The following MGAM2 variants were observed in gnomAD, a reference collection of about 807,000 sequenced individuals.
MGAM2 encodes maltase-glucoamylase 2 (putative).
MGAM2 carries 98 observed loss-of-function variants against 96.1 expected under a neutral mutation model. The observed-to-expected ratio is 1.02, with a 90% CI of 0.87 to 1.21. The LOEUF (loss-of-function observed/expected upper bound fraction) is 1.21. Ranked by LOEUF, MGAM2 falls within the 50% of genes most tolerant of loss-of-function variation. MGAM2 has a pLI of 0.00. For synonymous variants in MGAM2, 749 were observed against 414.8 expected, an observed-to-expected ratio of 1.81 and a Z score of -9.79; for missense variants, 2,055 against 1,182.4, an observed-to-expected ratio of 1.74 and a Z score of -10.82.
rs551718644 is a variant in MGAM2 at position 142,120,382 on chromosome 7, G to A, written c.186+1G>A. ...CACACCTGACCAGGAGGTGACCGAG[G>A]TCAGAGAAATAAGGTCCCTTTTGGT... is the stretch of plus-strand genomic sequence containing the variant. On this transcript the variant is annotated splice_donor_variant, in intron 3 of 47. Transcript: ENST00000477922. LOFTEE classifies it high-confidence loss of function. 9 of 702,716 alleles carry A rather than the reference G, an allele frequency of 1.3e-5. 1 individual carries two copies. Among genetic ancestry groups the A allele is most frequent in the Non-Finnish European group, 2.3e-5 (9 of 384,880 alleles). The allele number at this position is 702,716 out of a possible 1,614,324, so 43.5% of individuals were successfully genotyped here. A position where few individuals can be genotyped will look rare whatever the true frequency, so the allele number is the denominator to read the frequency against.
chr7:142,181,862 G>T (rs1362279174), intron 32 of MGAM2, among the ~76,000 whole-genome samples: 3 of 152,168 alleles, frequency 2.0e-5, no homozygotes, highest in African/African-American at 7.2e-5. Flanking sequence ...TGGCTTTGGG[G>T]CCCTCTCAGC....
intron 45 of MGAM2, among the ~76,000 whole-genome samples, chr7:142,204,389 G>A (rs1025228565): frequency 6.6e-6 from 1 of 151,778 alleles, no homozygotes; most frequent in African/African-American, 2.4e-5. Flanking sequence ...AAAATATGAA[G>A]GAATTAAACA....
intron 32 of MGAM2, among the ~76,000 whole-genome samples, chr7:142,177,758 T>A (rs896375581): frequency 6.6e-6 from 1 of 152,238 alleles, no homozygotes; most frequent in Admixed American, 6.5e-5. Context: ...ATTTTCTTTA[T>A]CCAATCCACC....
rs146653012 is a variant in MGAM2 at position 142,140,681 on chromosome 7, G to A, written c.1087-121G>A. On this transcript the variant is annotated intron_variant, in intron 10 of 47. Coordinates refer to ENST00000477922, the MANE Select transcript of MGAM2 (RefSeq NM_001293626.2). ...TCTCCTAAGAAGTAGCCAAGCCCTGGAAATTCCAGGATCATTAGAAAATAT... is the reference window on the plus strand; with the variant it reads ...TCTCCTAAGAAGTAGCCAAGCCCTGAAAATTCCAGGATCATTAGAAAATAT... The A allele has an allele frequency of 1.4e-4, 76 of 561,966 alleles. 1 individual carries two copies. The highest frequency in any genetic ancestry group is 1.2e-3 in the African/African-American group (65 of 52,632). The allele number at this position is 561,966 out of a possible 1,614,324, so 34.8% of individuals were successfully genotyped here. A position where few individuals can be genotyped will look rare whatever the true frequency, so the allele number is the denominator to read the frequency against.
intron 24 of MGAM2, among the ~76,000 whole-genome samples, chr7:142,165,269 G>A (rs781495433): frequency 6.6e-6 from 1 of 152,172 alleles, no homozygotes; most frequent in African/African-American, 2.4e-5. Context: ...TCTTCTCTGG[G>A]CGCAGTTAAA....
At chr7:142,136,304 G>A (rs762377067) in intron 7 of MGAM2, among the ~76,000 whole-genome samples, 28 of 151,980 alleles carry the variant, frequency 1.8e-4, no homozygotes, top group Non-Finnish European at 4.0e-4. Context: ...TATTTATATT[G>A]CAGTGTGTAT....
chr7:142,193,484 G>C (rs1411162850), intron 37 of MGAM2, among the ~76,000 whole-genome samples: 1 of 152,172 alleles, frequency 6.6e-6, no homozygotes, highest in East Asian at 1.9e-4. Flanking sequence ...ATTGATGGGA[G>C]AGCTCAGCGT....
intron 1 of MGAM2, among the ~76,000 whole-genome samples, chr7:142,115,630 G>T (rs1817363672): frequency 6.6e-6 from 1 of 152,122 alleles, no homozygotes; most frequent in Admixed American, 6.5e-5. Context: ...CAGATCAGCT[G>T]AGATCAGGAG....
At chr7:142,192,515 G>A (rs1796901239) in intron 37 of MGAM2, among the ~76,000 whole-genome samples, 1 of 152,200 alleles carries the variant, frequency 6.6e-6, no homozygotes, top group East Asian at 1.9e-4. Flanking sequence ...TAACTCTACT[G>A]GGATAATCCA....
At chr7:142,211,681 A>G (rs1274748541) in intron 46 of MGAM2, among the ~76,000 whole-genome samples, 1 of 152,238 alleles carries the variant, frequency 6.6e-6, no homozygotes, top group Admixed American at 6.5e-5. Flanking sequence ...TCCAAGAAAT[A>G]TGGGACTATG....
rs1291885370 is a variant in MGAM2, at chr7:142,160,264, C to A, written c.2345+6C>A. The stretch of plus-strand genomic sequence containing the variant: ...AACACAACCACAGAAGCCAGGTAAG[C>A]TCCTTACTCTTCTAAGGTATGACTA... On this transcript the variant is annotated splice_donor_region_variant and intron_variant, in intron 21 of 47. Transcript: ENST00000477922. 5 of 694,818 alleles carry A rather than the reference C, an allele frequency of 7.2e-6. No individual in the cohort carries two copies. In the East Asian group the frequency reaches 8.1e-5, roughly 11 times the overall value. The allele number at this position is 694,818 out of a possible 1,614,324, so 43.0% of individuals were successfully genotyped here.
Position 142,160,275 on chromosome 7 carries a change from T to A in MGAM2, c.2345+17T>A. The A allele has an allele frequency of 1.5e-6, 1 of 685,896 alleles. No homozygotes were observed. Among genetic ancestry groups the A allele is most frequent in the Non-Finnish European group, 2.6e-6 (1 of 377,890 alleles). The allele number at this position is 685,896 out of a possible 1,614,324, so 42.5% of individuals were successfully genotyped here. A position where few individuals can be genotyped will look rare whatever the true frequency, so the allele number is the denominator to read the frequency against. On this transcript the variant is annotated intron_variant, in intron 21 of 47. Transcript: ENST00000477922. The stretch of plus-strand genomic sequence containing the variant: ...AGAAGCCAGGTAAGCTCCTTACTCT[T>A]CTAAGGTATGACTATTCTGGTGCTC...
At chr7:142,219,256 T>G (rs953642102) in intron 47 of MGAM2, among the ~76,000 whole-genome samples, 11 of 152,204 alleles carry the variant, frequency 7.2e-5, no homozygotes, top group African/African-American at 2.7e-4. Flanking sequence ...TCTTGTTTTC[T>G]AAAACGTGAA....
intron 3 of MGAM2, among the ~76,000 whole-genome samples, chr7:142,125,223 A>C (rs1225235338): frequency 3.9e-5 from 6 of 152,182 alleles, no homozygotes; most frequent in Non-Finnish European, 8.8e-5. Context: ...TGGTTTTGGA[A>C]GAAGTTGGTT....
At chr7:142,208,306 G>A (rs1797471176) in intron 45 of MGAM2, 2 of 583,408 alleles carry the variant, frequency 3.4e-6, no homozygotes, top group South Asian at 3.0e-5. Flanking sequence ...CCACACTTCA[G>A]GTAATCTATC....
At chr7:142,201,806 TG>T (rs1307142884) in intron 45 of MGAM2, among the ~76,000 whole-genome samples, 1 of 152,204 alleles carries the variant, frequency 6.6e-6, no homozygotes, top group Non-Finnish European at 1.5e-5. Context: ...CACGGGAGGA[TG>T]TGTATAGGTT....
chr7:142,132,074 CA>C lies in MGAM2; in HGVS notation c.565del (p.Arg189GlufsTer45), dbSNP rs1308175602. 1.4e-6 allele frequency: 1 copy of C among 702,396 alleles called. No homozygotes were observed. The highest frequency in any genetic ancestry group is 1.7e-5 in the African/African-American group (1 of 57,150). 43.5% of individuals were successfully genotyped at this position (702,396 alleles called of 1,614,324 possible). ...GCATCAAAATAATGAGGACAAGCAA[CA>C]GAAGAGTCTTGTGAGCTTTTCAACC... ...FSIKIMRTSN[R>X]RVLLDTSIGP... On this transcript the variant is annotated frameshift_variant, in exon 6 of 48. Coordinates refer to ENST00000477922, the MANE Select transcript of MGAM2 (RefSeq NM_001293626.2). LOFTEE classifies it high-confidence loss of function.
At chr7:142,175,580 G>A in intron 31 of MGAM2, 72 bp from the exon 32 acceptor site, 6 of 674,134 alleles carry the variant, frequency 8.9e-6, no homozygotes, top group Non-Finnish European at 1.3e-5. Context: ...CCAGGGGCCT[G>A]GCAGAGCAGT....
intron 9 of MGAM2, 142 bp downstream of exon 9, chr7:142,137,687 A>G (rs1795099834): frequency 4.4e-6 from 2 of 450,676 alleles, no homozygotes; most frequent in Admixed American, 3.9e-5. Context: ...TCTATTGTTT[A>G]TTTATTTTGA....
Sources: allele counts gnomAD v4.1 joint callset (sites outside exome capture counted in the v4.1 genomes callset), GRCh38; gene constraint gnomAD v4.1.1; transcripts MANE v1.5; gene names NCBI Gene and HGNC (gene_info 2026-07-23, HGNC 2026-07-21).